The following VEGFC variants were observed in gnomAD, a reference collection of about 807,000 sequenced individuals.
VEGFC encodes the protein vascular endothelial growth factor C, also known as FLT4 ligand DHM.
A neutral mutation model predicts 46.1 loss-of-function variants in VEGFC; 12 were observed. The ratio of observed to expected loss-of-function variants is 0.26; its 90% confidence interval spans 0.17 to 0.42. The LOEUF (loss-of-function observed/expected upper bound fraction) is 0.42. Among genes scored for constraint, VEGFC ranks in the 10% least tolerant of loss-of-function variants. The probability of loss-of-function intolerance (pLI) is 1.00; values close to 1 mark genes in which losing one functional copy is unlikely to be tolerated. For synonymous variants in VEGFC, 232 were observed against 195.5 expected, an observed-to-expected ratio of 1.19 and a Z score of -1.56; for missense variants, 488 against 529.4, an observed-to-expected ratio of 0.92 and a Z score of 0.77.
At chr4:176,735,650 G>C (rs755738421) in intron 1 of VEGFC, among the ~76,000 whole-genome samples, 2 of 151,832 alleles carry the variant, frequency 1.3e-5, no homozygotes, top group Non-Finnish European at 2.9e-5. Flanking sequence ...CAAAATGTAA[G>C]AGGTTACATA....
At chr4:176,756,608 G>T (rs1735436777) in intron 1 of VEGFC, among the ~76,000 whole-genome samples, 1 of 151,884 alleles carries the variant, frequency 6.6e-6, no homozygotes, top group African/African-American at 2.4e-5. Context: ...TGATGGGGAT[G>T]AAAAAAACGT....
chr4:176,780,402 C>T (rs1406020436), intron 1 of VEGFC, among the ~76,000 whole-genome samples: 1 of 112,912 alleles, frequency 8.9e-6, no homozygotes, highest in East Asian at 2.2e-4. Flanking sequence ...AAAAAAAACT[C>T]CTTCTAACCC....
At chr4:176,760,381 T>G (rs975994178) in intron 1 of VEGFC, among the ~76,000 whole-genome samples, 1 of 152,208 alleles carries the variant, frequency 6.6e-6, no homozygotes, top group African/African-American at 2.4e-5. Context: ...CCCTAATAGC[T>G]GCTCCCAAAG....
intron 4 of VEGFC, among the ~76,000 whole-genome samples, chr4:176,693,321 G>A (rs1047679569): frequency 0.029 from 3,857 of 135,214 alleles, 434 homozygotes; most frequent in African/African-American, 0.13. Flanking sequence ...CGAGAACTAC[G>A]TGAAGAATGC....
At chr4:176,687,678 C>G (rs1164231694) in intron 5 of VEGFC, 143 bp downstream of exon 5, 1 of 948,294 alleles carries the variant, frequency 1.1e-6, no homozygotes, top group African/African-American at 1.7e-5. Flanking sequence ...CAAAATAATA[C>G]CAACGTGAAG....
intron 1 of VEGFC, among the ~76,000 whole-genome samples, chr4:176,740,368 CTA>C (rs1207507111): frequency 1.8e-5 from 2 of 113,014 alleles, no homozygotes; most frequent in East Asian, 2.4e-4. Flanking sequence ...TATATATATT[CTA>C]TATATAGTTA....
At chr4:176,709,062 C>T (rs905827771) in intron 4 of VEGFC, among the ~76,000 whole-genome samples, 4 of 152,136 alleles carry the variant, frequency 2.6e-5, no homozygotes, top group African/African-American at 9.7e-5. Context: ...AGCTTCCTGT[C>T]TCTTCTTGAC....
intron 4 of VEGFC, among the ~76,000 whole-genome samples, chr4:176,698,211 C>T (rs1412376361): frequency 6.6e-6 from 1 of 151,364 alleles, no homozygotes; most frequent in African/African-American, 2.4e-5. Context: ...CTATTTTGTG[C>T]ATGCTATTTT....
chr4:176,694,766 T>C (rs1734277268), intron 4 of VEGFC, among the ~76,000 whole-genome samples: 1 of 140,772 alleles, frequency 7.1e-6, no homozygotes, highest in Non-Finnish European at 1.5e-5. Flanking sequence ...GAACAGAAAT[T>C]ATAACAAACT....
chr4:176,761,825 A>C (rs1044587417), intron 1 of VEGFC, among the ~76,000 whole-genome samples: 14 of 152,230 alleles, frequency 9.2e-5, no homozygotes, highest in African/African-American at 3.1e-4. Context: ...ATCAGAGAAG[A>C]GACGAAGGCA....
chr4:176,748,118 TG>T (rs1424870897), intron 1 of VEGFC, among the ~76,000 whole-genome samples: 1 of 152,080 alleles, frequency 6.6e-6, no homozygotes, highest in Non-Finnish European at 1.5e-5. Flanking sequence ...AAACTGGTTT[TG>T]TGTGGACCCC....
rs369763468 is a variant in VEGFC, at chr4:176,777,898, G to A, written c.147+14267C>T. The stretch of plus-strand genomic sequence containing the variant: ...TGTGCCACTGCACTCCAGCCTGGGC[G>A]ACAGAGCAAGACTTTGTCTCAAAAA... On this transcript the variant is annotated intron_variant, in intron 1 of 6. Coordinates refer to ENST00000618562, the MANE Select transcript of VEGFC (RefSeq NM_005429.5). Among the ~76,000 whole-genome samples the A allele has an allele frequency of 1.1e-3, 127 of 120,102 alleles. 1 individual carries two copies. Among genetic ancestry groups the A allele is most frequent in the African/African-American group, 3.8e-3 (111 of 28,930 alleles). 78.8% of individuals were successfully genotyped at this position (120,102 alleles called of 152,430 possible).
chr4:176,741,722 T>C (rs913149865), intron 1 of VEGFC, among the ~76,000 whole-genome samples: 3 of 151,048 alleles, frequency 2.0e-5, no homozygotes, highest in Non-Finnish European at 3.0e-5. Flanking sequence ...AAAATCTGAA[T>C]TGCAACCAAG....
chr4:176,727,859 C>T lies in VEGFC; in HGVS notation c.471G>A (p.Val157=). The part of the protein sequence containing the change: ...ATNTFFKPPC[V]SVYRCGGCCN... The stretch of plus-strand genomic sequence containing the variant: ...AGCAACCCCCACATCTGTAGACGGA[C>T]ACACATGGAGGTTTAAAGAAGGTGT... Residue 157 remains valine (V), a synonymous_variant, in exon 3 of 7, where the codon GTG becomes GTA. Coordinates refer to ENST00000618562, the MANE Select transcript of VEGFC (RefSeq NM_005429.5). 1.9e-6 allele frequency: 3 copies of T among 1,613,994 alleles called. No individual in the cohort carries two copies. In the South Asian group the frequency reaches 3.3e-5, roughly 18 times the overall value.
rs375857166 is a variant in VEGFC, at chr4:176,792,435, C to A, written c.-124G>T. The A allele has an allele frequency of 2.0e-5, 14 of 717,508 alleles. No individual in the cohort carries two copies. The highest frequency in any genetic ancestry group is 2.8e-5 in the Non-Finnish European group (14 of 498,996). The allele number at this position is 717,508 out of a possible 1,614,324, so 44.4% of individuals were successfully genotyped here. On this transcript the variant is annotated 5_prime_UTR_variant, in exon 1 of 7. Coordinates refer to ENST00000618562, the MANE Select transcript of VEGFC (RefSeq NM_005429.5). The surrounding 1 kb of genome is among the most constrained non-coding windows in gnomAD (Gnocchi z 6.3). Reference sequence around the variant, plus strand: ...CCCCGGGCTCCTCCCGGCGACCCCCCCTGGGCGAGCCGGAGGCGGCGGGAG... The same window carrying A: ...CCCCGGGCTCCTCCCGGCGACCCCCACTGGGCGAGCCGGAGGCGGCGGGAG...
chr4:176,775,697 T>G (rs566446427), intron 1 of VEGFC, among the ~76,000 whole-genome samples: 12 of 152,232 alleles, frequency 7.9e-5, no homozygotes, highest in Non-Finnish European at 1.6e-4. Context: ...TCAAACTAGA[T>G]TTTTGAATAG....
intron 1 of VEGFC, among the ~76,000 whole-genome samples, chr4:176,750,542 T>C (rs1288498701): frequency 6.6e-6 from 1 of 151,720 alleles, no homozygotes; most frequent in Admixed American, 6.6e-5. Context: ...TGAGAAGCCA[T>C]TTCAATTATA....
At chr4:176,709,928 A>G (rs1026084097) in intron 4 of VEGFC, among the ~76,000 whole-genome samples, 11 of 152,196 alleles carry the variant, frequency 7.2e-5, no homozygotes, top group Middle Eastern at 3.2e-3. Context: ...GAAATGAAAT[A>G]TAAGTTTAGC....
At chr4:176,724,310 C>T (rs1465619966) in intron 3 of VEGFC, among the ~76,000 whole-genome samples, 1 of 152,014 alleles carries the variant, frequency 6.6e-6, no homozygotes, top group Non-Finnish European at 1.5e-5. Context: ...TTCATTTGTT[C>T]TCATGAAAGG....
Sources: allele counts gnomAD v4.1 joint callset (sites outside exome capture counted in the v4.1 genomes callset), GRCh38; gene constraint gnomAD v4.1.1; non-coding constraint Gnocchi (gnomAD v3.1); transcripts MANE v1.5; gene names NCBI Gene and HGNC (gene_info 2026-07-23, HGNC 2026-07-21).